SLC30A8: variants seen among roughly 807,000 people sequenced by gnomAD.
The protein encoded by SLC30A8 is solute carrier family 30 member 8.
SLC30A8 carries 27 observed loss-of-function variants against 36.9 expected under a neutral mutation model. That is an observed-to-expected ratio of 0.73 (90% CI 0.54 to 1.01). The LOEUF is 1.01. Ranked by LOEUF, SLC30A8 falls within the 50% of genes least tolerant of loss-of-function variation. The pLI, the probability that SLC30A8 is intolerant of heterozygous loss-of-function variation, is 0.00. For synonymous variants in SLC30A8, 164 were observed against 172.4 expected (o/e 0.95, Z 0.38); for missense variants, 439 against 452.0 (o/e 0.97, Z 0.26).
chr8:116,967,033 C>A (rs571305726), intron 1 of SLC30A8, among the ~76,000 whole-genome samples: 1 of 152,272 alleles, frequency 6.6e-6, no homozygotes, highest in African/African-American at 2.4e-5. Context: ...TCTTTTAAAT[C>A]TTGAAAAGTA....
intron 2 of SLC30A8, among the ~76,000 whole-genome samples, chr8:117,111,327 G>A (rs1482731579): frequency 6.6e-6 from 1 of 152,098 alleles, no homozygotes; most frequent in Non-Finnish European, 1.5e-5. Flanking sequence ...TGGAAGCAGG[G>A]AAAAACCTAG....
At chr8:117,097,526 ATT>A (rs1491308799) in intron 2 of SLC30A8, among the ~76,000 whole-genome samples, 1 of 114,608 alleles carries the variant, frequency 8.7e-6, no homozygotes, top group Non-Finnish European at 1.7e-5. Context: ...AATAATATAT[ATT>A]ATATATAATA....
intron 2 of SLC30A8, among the ~76,000 whole-genome samples, chr8:117,053,874 A>G (rs1340794214): frequency 6.6e-6 from 1 of 152,186 alleles, no homozygotes; most frequent in Non-Finnish European, 1.5e-5. Flanking sequence ...AGAAGACTGA[A>G]CAAGTATCAA....
At chr8:117,118,544 T>C (rs1820550293) in intron 2 of SLC30A8, among the ~76,000 whole-genome samples, 1 of 151,960 alleles carries the variant, frequency 6.6e-6, no homozygotes, top group African/African-American at 2.4e-5. Flanking sequence ...AGCTCATTTT[T>C]TTTTTAACCA....
intron 2 of SLC30A8, among the ~76,000 whole-genome samples, chr8:117,050,697 C>T (rs115642281): frequency 0.011 from 1,655 of 152,276 alleles, 29 homozygotes; most frequent in African/African-American, 0.037. Context: ...TGAGCCACCA[C>T]GCCTGGCTGA....
chr8:117,000,037 A>G (rs1420416906), intron 1 of SLC30A8, among the ~76,000 whole-genome samples: 1 of 152,154 alleles, frequency 6.6e-6, no homozygotes, highest in Non-Finnish European at 1.5e-5. Flanking sequence ...TCCTTTGAGG[A>G]CGTGCTTCCA....
At chr8:117,029,728 T>G (rs1349425177) in intron 1 of SLC30A8, among the ~76,000 whole-genome samples, 1 of 152,314 alleles carries the variant, frequency 6.6e-6, no homozygotes, top group East Asian at 1.9e-4. Flanking sequence ...AGAAAACTGA[T>G]GTTGAGACAG....
rs1821935671 is a variant in SLC30A8 at position 117,147,096 on chromosome 8, T to A, written c.214T>A (p.Trp72Arg). The A allele has an allele frequency of 6.2e-7, 1 of 1,614,020 alleles. No homozygotes were observed. Among genetic ancestry groups the A allele is most frequent in the Admixed American group, 1.7e-5 (1 of 60,010 alleles). ...GGCGAATGAGTACGCCTATGCCAAGTGGAAACTCTGTTCTGCTTCAGCAAT... is the reference window on the plus strand; with the variant it reads ...GGCGAATGAGTACGCCTATGCCAAGAGGAAACTCTGTTCTGCTTCAGCAAT... ...KGANEYAYAKWKLCSASAICF... is the reference protein window; with the variant it reads ...KGANEYAYAKRKLCSASAICF... The change falls in exon 2 of 8, where the codon TGG (tryptophan) becomes AGG (arginine). Residue 72 changes from tryptophan (W) to arginine (R), a missense_variant. Transcript: ENST00000456015.
chr8:117,079,745 A>G (rs1484802147), intron 2 of SLC30A8, among the ~76,000 whole-genome samples: 1 of 152,220 alleles, frequency 6.6e-6, no homozygotes, highest in Non-Finnish European at 1.5e-5. Flanking sequence ...GAGTGGGTCC[A>G]TAGTAAGGAA....
intron 3 of SLC30A8, among the ~76,000 whole-genome samples, chr8:117,155,423 C>T (rs1181331085): frequency 2.6e-5 from 4 of 152,134 alleles, no homozygotes; most frequent in Non-Finnish European, 5.9e-5. Context: ...AATTCTTGGG[C>T]TTGGTCCTCA....
chr8:116,968,491 T>G (rs944733481), intron 1 of SLC30A8, among the ~76,000 whole-genome samples: 4 of 151,636 alleles, frequency 2.6e-5, no homozygotes, highest in African/African-American at 9.7e-5. Context: ...GACAGAGAGA[T>G]TGAGAATTTG....
intron 2 of SLC30A8, 52 bp downstream of exon 2, chr8:117,147,205 T>G: frequency 1.3e-6 from 2 of 1,517,990 alleles, no homozygotes; most frequent in Non-Finnish European, 1.8e-6. Context: ...AAACTCTGCA[T>G]CATTATGGGA....
At chr8:117,145,677 C>T (rs2130961916) in intron 1 of SLC30A8, among the ~76,000 whole-genome samples, 1 of 152,228 alleles carries the variant, frequency 6.6e-6, no homozygotes, top group East Asian at 1.9e-4. Flanking sequence ...ATTTTGACAT[C>T]TGCCTTCCTG....
chr8:117,001,333 G>A (rs554732505), intron 1 of SLC30A8, among the ~76,000 whole-genome samples: 4 of 149,584 alleles, frequency 2.7e-5, no homozygotes, highest in Admixed American at 1.4e-4. Flanking sequence ...TTGATATCAC[G>A]CAAGGCAGAC....
chr8:117,152,863 T>G lies in SLC30A8; in HGVS notation c.272-81T>G. 4 of 1,194,882 alleles carry G rather than the reference T, an allele frequency of 3.3e-6. No individual in the cohort carries two copies. In the East Asian group the frequency reaches 1.0e-4, roughly 31 times the overall value. 74.0% of individuals were successfully genotyped at this position (1,194,882 alleles called of 1,614,324 possible). On this transcript the variant is annotated intron_variant, in intron 2 of 7. Coordinates refer to ENST00000456015, the MANE Select transcript of SLC30A8 (RefSeq NM_173851.3). ...TAAAGTTTTGTGAGTCTGTGGCATT[T>G]TCACCCATGATGGTTAGCATGTCTG...
At chr8:117,151,543 G>A (rs562797076) in intron 2 of SLC30A8, among the ~76,000 whole-genome samples, 1 of 152,314 alleles carries the variant, frequency 6.6e-6, no homozygotes, top group South Asian at 2.1e-4. Context: ...CAGTTTCCAA[G>A]CCTCCATAGT....
chr8:117,126,947 C>T (rs539629056), intron 2 of SLC30A8, among the ~76,000 whole-genome samples: 12 of 152,028 alleles, frequency 7.9e-5, no homozygotes, highest in Non-Finnish European at 1.5e-4. Flanking sequence ...CAGGCAAAGG[C>T]GACAGTACTG....
intron 1 of SLC30A8, among the ~76,000 whole-genome samples, chr8:116,981,550 G>A (rs962268344): frequency 2.0e-5 from 3 of 152,148 alleles, no homozygotes; most frequent in South Asian, 2.1e-4. Flanking sequence ...GTAGTTTTTC[G>A]ATCCTCCCAT....
chr8:117,035,149 C>T (rs1296770557), intron 1 of SLC30A8, among the ~76,000 whole-genome samples: 1 of 152,122 alleles, frequency 6.6e-6, no homozygotes. Context: ...CATGCCTTCC[C>T]AATAGTCCCC....
Sources: allele counts gnomAD v4.1 joint callset (sites outside exome capture counted in the v4.1 genomes callset), GRCh38; gene constraint gnomAD v4.1.1; transcripts MANE v1.5; gene names NCBI Gene and HGNC (gene_info 2026-07-23, HGNC 2026-07-21).